The following MTMR14 variants were observed in gnomAD, a reference collection of about 807,000 sequenced individuals.
MTMR14 encodes phosphatidylinositol-3,5-bisphosphate 3-phosphatase MTMR14.
A neutral mutation model predicts 86.3 loss-of-function variants in MTMR14; 48 were observed. That is an observed-to-expected ratio of 0.56 (90% CI 0.44 to 0.71). The LOEUF (loss-of-function observed/expected upper bound fraction) is 0.71, where lower values mean the gene tolerates loss of function less well. Ranked by LOEUF, MTMR14 falls within the 30% of genes least tolerant of loss-of-function variation. The pLI, the probability that MTMR14 is intolerant of heterozygous loss-of-function variation, is 0.00. For synonymous variants in MTMR14, 366 were observed against 326.1 expected, an observed-to-expected ratio of 1.12 and a Z score of -1.32; for missense variants, 780 against 834.6, an observed-to-expected ratio of 0.93 and a Z score of 0.81.
intron 9 of MTMR14, among the ~76,000 whole-genome samples, chr3:9,680,641 C>G (rs528154763): frequency 6.6e-6 from 1 of 152,138 alleles, no homozygotes; most frequent in Non-Finnish European, 1.5e-5. Flanking sequence ...GGCAGGAGAT[C>G]GAGACCATCG....
intron 14 of MTMR14, among the ~76,000 whole-genome samples, chr3:9,688,216 T>C (rs1032851670): frequency 3.3e-5 from 5 of 152,192 alleles, no homozygotes; most frequent in Admixed American, 3.3e-4. Context: ...AGGAGGACTC[T>C]TAACTCCCAG....
rs940857214 is a variant in MTMR14 at position 9,687,835 on chromosome 3, C to A, written c.1179C>A (p.Cys393Ter). Residue 393 changes from cysteine (C) to a stop codon, truncating the protein, a stop_gained, in exon 14 of 19, where the codon TGC becomes TGA. Transcript: ENST00000296003. LOFTEE classifies it high-confidence loss of function. ...GTCTCCTTTAGATTTTCTTCTTCTG[C>A]TTCAATTTTTTGAAGCATATTACCT... ...LSKGEEIFFF[C>*]FNFLKHITSE... 22 of 1,579,020 alleles carry A rather than the reference C, an allele frequency of 1.4e-5. No individual in the cohort carries two copies. Among genetic ancestry groups the A allele is most frequent in the Non-Finnish European group, 1.6e-5 (19 of 1,159,676 alleles).
At chr3:9,658,245 A>G (rs1400722667) in intron 2 of MTMR14, among the ~76,000 whole-genome samples, 1 of 152,206 alleles carries the variant, frequency 6.6e-6, no homozygotes, top group Non-Finnish European at 1.5e-5. Context: ...GCTGAATTAA[A>G]CTGAATAGAC....
At chr3:9,698,817 C>T (rs2076361958) in intron 18 of MTMR14, among the ~76,000 whole-genome samples, 1 of 152,098 alleles carries the variant, frequency 6.6e-6, no homozygotes, top group Non-Finnish European at 1.5e-5. Context: ...GCACAGCCTC[C>T]TCTGCAGCCA....
At chr3:9,678,324 G>C (rs1368373572) in intron 9 of MTMR14, among the ~76,000 whole-genome samples, 1 of 152,226 alleles carries the variant, frequency 6.6e-6, no homozygotes, top group East Asian at 1.9e-4. Context: ...TGTTTCCAGA[G>C]GACCTCATAG....
intron 3 of MTMR14, among the ~76,000 whole-genome samples, chr3:9,664,522 A>G (rs766187567): frequency 6.6e-6 from 1 of 152,096 alleles, no homozygotes; most frequent in African/African-American, 2.4e-5. Context: ...AGATGAATGG[A>G]TAAAGAAAAT....
rs967305250 is a variant in MTMR14, at chr3:9,649,589, C to T, written c.6C>T (p.Ala2=). The T allele has an allele frequency of 2.5e-5, 38 of 1,544,746 alleles. No individual in the cohort carries two copies. In the African/African-American group the frequency reaches 2.5e-4, roughly 10 times the overall value. The change falls in exon 1 of 19, where the codon GCC becomes GCT. Residue 2 remains alanine (A), a synonymous_variant. Coordinates refer to ENST00000296003, the MANE Select transcript of MTMR14 (RefSeq NM_001077525.3). M[A]GARAAAAAAS... The stretch of plus-strand genomic sequence containing the variant: ...AGGGGACGCGGGGCTGGGCCATGGC[C>T]GGCGCTCGGGCCGCCGCCGCCGCTG...
At chr3:9,690,876 G>C (rs899803139) in intron 17 of MTMR14, among the ~76,000 whole-genome samples, 1 of 152,178 alleles carries the variant, frequency 6.6e-6, no homozygotes, top group African/African-American at 2.4e-5. Context: ...GTGAATTCCA[G>C]GGAAAAAGGG....
intron 1 of MTMR14, among the ~76,000 whole-genome samples, chr3:9,651,741 C>T (rs766916314): frequency 6.6e-6 from 1 of 152,092 alleles, no homozygotes; most frequent in Non-Finnish European, 1.5e-5. Flanking sequence ...TCTTGGCTCG[C>T]TGCAACTTCC....
intron 5 of MTMR14, 106 bp downstream of exon 5, chr3:9,669,598 G>A (rs933160773): frequency 4.2e-6 from 5 of 1,195,526 alleles, no homozygotes; most frequent in African/African-American, 3.1e-5. Flanking sequence ...TGGTTCAGGT[G>A]AGTGGATTGG....
chr3:9,650,726 C>T lies in MTMR14; in HGVS notation c.159+984C>T, dbSNP rs139097101. ...GGGATACTTTGTGAAAACAGAGATT[C>T]CTTAGTCCCACCCAGTCCTACCAAG... On this transcript the variant is annotated intron_variant, in intron 1 of 18. Transcript: ENST00000296003. Among the ~76,000 whole-genome samples, 241 of 151,684 alleles carry T rather than the reference C, an allele frequency of 1.6e-3. 3 individuals are homozygous for T. The highest frequency in any genetic ancestry group is 5.7e-3 in the African/African-American group (236 of 41,362).
intron 9 of MTMR14, 113 bp downstream of exon 9, chr3:9,678,171 C>T: frequency 1.0e-6 from 1 of 982,146 alleles, no homozygotes; most frequent in Non-Finnish European, 1.6e-6. Context: ...CTGGCTTGTG[C>T]ACTCAGATGC....
At chr3:9,657,364 C>A (rs1318943276) in intron 2 of MTMR14, among the ~76,000 whole-genome samples, 1 of 152,152 alleles carries the variant, frequency 6.6e-6, no homozygotes, top group Non-Finnish European at 1.5e-5. Context: ...CATAATAGTA[C>A]ATTGAGAAAC....
At chr3:9,674,976 T>C (rs1055612913) in intron 7 of MTMR14, among the ~76,000 whole-genome samples, 2 of 152,232 alleles carry the variant, frequency 1.3e-5, no homozygotes, top group Non-Finnish European at 2.9e-5. Flanking sequence ...CCGGGCGCGG[T>C]GGCGCATGCC....
intron 6 of MTMR14, among the ~76,000 whole-genome samples, chr3:9,671,549 C>T (rs2048566148): frequency 6.6e-6 from 1 of 151,960 alleles, no homozygotes; most frequent in Non-Finnish European, 1.5e-5. Flanking sequence ...GTGACAGAGT[C>T]TTTGTTGCCT....
In MTMR14 at chr3:9,701,813, A is replaced by T; in HGVS notation, c.1793A>T (p.Glu598Val). ...AGGCTTGCAGCCCTGAGTGATCGAG[A>T]GACTCGGCTGCAGGAGGTGCGCTCA... ...SCLLAALSDR[E>V]TRLQEVRSAF... The change falls in exon 19 of 19, where the codon GAG becomes GTG. Residue 598 changes from glutamate (E) to valine (V), a missense_variant. Transcript: ENST00000296003. This position sits in a 1 kb window ranked among gnomAD's most constrained non-coding sequence, Gnocchi z 4.2. 6.2e-7 allele frequency: 1 copy of T among 1,613,822 alleles called. No homozygotes were observed. The highest frequency in any genetic ancestry group is 8.5e-7 in the Non-Finnish European group (1 of 1,180,026).
chr3:9,674,517 G>A (rs2048746787), intron 7 of MTMR14, among the ~76,000 whole-genome samples: 2 of 152,224 alleles, frequency 1.3e-5, no homozygotes, highest in African/African-American at 4.8e-5. Context: ...GCTGGGCATG[G>A]TGGCTCACGC....
intron 17 of MTMR14, among the ~76,000 whole-genome samples, chr3:9,693,500 C>T (rs2076196450): frequency 6.6e-6 from 1 of 152,174 alleles, no homozygotes; most frequent in Non-Finnish European, 1.5e-5. Context: ...TCAGTTAACA[C>T]ATGTTTTGTA....
Position 9,684,894 on chromosome 3 carries a change from C to G in MTMR14, c.1057C>G (p.Leu353Val), listed in dbSNP as rs1248200203. ...LLRLSLWADG[L>V]IHTSLKPTEI... ...CTCCTGTGGTCTCTTCCAGGATGGG[C>G]TCATCCACACGTCCCTGAAGCCCAC... Residue 353 changes from leucine (L) to valine (V), a missense_variant, in exon 12 of 19, where the codon CTC becomes GTC. Physicochemically the swap from Leu to Val is conservative, Grantham distance 32. Transcript: ENST00000296003. 21 of 1,614,044 alleles carry G rather than the reference C, an allele frequency of 1.3e-5. No individual in the cohort carries two copies. In the Admixed American group the frequency reaches 3.5e-4, roughly 27 times the overall value.
Sources: gnomAD v4.1 joint callset for allele counts (sites outside exome capture counted in the v4.1 genomes callset) on GRCh38, gnomAD v4.1.1 for gene constraint, Gnocchi (gnomAD v3.1) non-coding constraint, MANE v1.5 for transcripts, NCBI Gene and HGNC (gene_info 2026-07-23, HGNC 2026-07-21) for gene names.